Variants in MCTP2 observed in about 807,000 individuals in gnomAD.
MCTP2 encodes multiple C2 and transmembrane domain-containing protein 2.
Under a neutral mutation model 111.6 loss-of-function variants are expected in MCTP2, and 132 were observed. The ratio of observed to expected loss-of-function variants is 1.18; its 90% confidence interval spans 1.03 to 1.37. The LOEUF (loss-of-function observed/expected upper bound fraction) is 1.37. MCTP2 is among the 40% of genes most tolerant of loss of function. The pLI is 0.00. For missense variants in MCTP2, 1,183 were observed against 1,067.9 expected (o/e 1.11, Z -1.50); for synonymous variants, 395 against 387.7 (o/e 1.02, Z -0.22).
intron 1 of MCTP2, 63 bp from the exon 2 acceptor site, chr15:94,298,138 C>T: frequency 1.4e-6 from 1 of 699,528 alleles, no homozygotes; most frequent in Non-Finnish European, 2.3e-6. Context: ...TTACTGCCAC[C>T]AAGAAGGTTC....
At chr15:94,357,571 T>TTTTTG (rs2078699979) in intron 9 of MCTP2, among the ~76,000 whole-genome samples, 2 of 151,806 alleles carry the variant, frequency 1.3e-5, no homozygotes, top group Admixed American at 1.3e-4. Flanking sequence ...TTTTGTTTTT[T>TTTTTG]TCCCAACCTG....
chr15:94,311,208 A>G (rs2076120893), intron 2 of MCTP2, among the ~76,000 whole-genome samples: 1 of 151,646 alleles, frequency 6.6e-6, no homozygotes, highest in Non-Finnish European at 1.5e-5. Flanking sequence ...TATTTTTATT[A>G]GAGATGGGGG....
rs1213450899 is a variant in MCTP2 at position 94,327,435 on chromosome 15, C to T, written c.637+11798C>T. 2.6e-5 allele frequency among the ~76,000 whole-genome samples: 4 copies of T among 152,162 alleles called. No individual in the cohort carries two copies. In the East Asian group the frequency reaches 5.8e-4, roughly 22 times the overall value. On this transcript the variant is annotated intron_variant, in intron 4 of 22. Coordinates refer to ENST00000357742, the MANE Select transcript of MCTP2 (RefSeq NM_001385001.1). The stretch of plus-strand genomic sequence containing the variant: ...CTCTTTGATTCCTATTGATGTTGTT[C>T]TCTTGTTCGGCATCAGCTCCACACC...
At chr15:94,464,239 AATATATATATATATATATTATATATAT>A (rs1228567188) in intron 20 of MCTP2, among the ~76,000 whole-genome samples, 1 of 89,364 alleles carries the variant, frequency 1.1e-5, no homozygotes, top group African/African-American at 4.7e-5. Flanking sequence ...TTATATATAT[AATATATATATATATATATTATATATAT>A]ATATATATAT....
intron 1 of MCTP2, among the ~76,000 whole-genome samples, chr15:94,243,944 T>C (rs897781603): frequency 1.5e-4 from 21 of 144,516 alleles, no homozygotes; most frequent in South Asian, 2.1e-4. Context: ...TACACATACA[T>C]ATATGTGTAT....
intron 17 of MCTP2, among the ~76,000 whole-genome samples, chr15:94,421,164 G>A (rs984037713): frequency 6.7e-6 from 1 of 150,148 alleles, no homozygotes; most frequent in Admixed American, 6.6e-5. Context: ...TTAGACATAC[G>A]CTGTTGCATA....
intron 21 of MCTP2, among the ~76,000 whole-genome samples, chr15:94,473,094 T>TAC (rs1464296447): frequency 6.6e-6 from 1 of 152,140 alleles, no homozygotes; most frequent in Non-Finnish European, 1.5e-5. Flanking sequence ...TAACTATATA[T>TAC]ACTAGATTTC....
intron 18 of MCTP2, 70 bp downstream of exon 18, chr15:94,440,368 C>G (rs2083711660): frequency 6.3e-7 from 1 of 1,585,670 alleles, no homozygotes; most frequent in Non-Finnish European, 8.6e-7. Context: ...ACCACCACCA[C>G]CAAATCATGG....
intron 14 of MCTP2, among the ~76,000 whole-genome samples, chr15:94,392,148 G>T (rs1177145019): frequency 2.0e-5 from 3 of 152,012 alleles, no homozygotes; most frequent in Non-Finnish European, 2.9e-5. Flanking sequence ...GAGGTGGGCG[G>T]ATCACGAGGT....
intron 20 of MCTP2, among the ~76,000 whole-genome samples, chr15:94,466,721 T>C (rs1036521610): frequency 2.6e-5 from 4 of 152,142 alleles, no homozygotes; most frequent in African/African-American, 9.7e-5. Context: ...AGAGTGAAAA[T>C]TGACATTGGA....
At chr15:94,436,877 A>AT (rs1182892133) in intron 17 of MCTP2, among the ~76,000 whole-genome samples, 14 of 151,860 alleles carry the variant, frequency 9.2e-5, no homozygotes, top group Admixed American at 9.2e-4. Context: ...CCCCCAAAAA[A>AT]CGTAACAATA....
chr15:94,365,173 TA>T (rs2079120587), intron 10 of MCTP2, among the ~76,000 whole-genome samples: 1 of 152,242 alleles, frequency 6.6e-6, no homozygotes, highest in Non-Finnish European at 1.5e-5. Flanking sequence ...ATCATGATGC[TA>T]ATATATCAGT....
intron 1 of MCTP2, among the ~76,000 whole-genome samples, chr15:94,250,594 A>G (rs2072344786): frequency 6.6e-6 from 1 of 152,212 alleles, no homozygotes; most frequent in South Asian, 2.1e-4. Context: ...ACCTTACTAC[A>G]GGGACTGAGA....
chr15:94,419,031 A>G (rs2082501626), intron 17 of MCTP2, among the ~76,000 whole-genome samples: 1 of 152,160 alleles, frequency 6.6e-6, no homozygotes, highest in Non-Finnish European at 1.5e-5. Flanking sequence ...AATGTTCAGT[A>G]TAGTTATACT....
chr15:94,315,658 G>T lies in MCTP2; in HGVS notation c.637+21G>T, dbSNP rs756685766. On this transcript the variant is annotated intron_variant, in intron 4 of 22. Coordinates refer to ENST00000357742, the MANE Select transcript of MCTP2 (RefSeq NM_001385001.1). ...CTGTGGTAAGACCTGGGTCTGTTATGGTGGGTGTAGCCTGGAAACTTCTTT... is the reference window on the plus strand; with the variant it reads ...CTGTGGTAAGACCTGGGTCTGTTATTGTGGGTGTAGCCTGGAAACTTCTTT... 1.4e-5 allele frequency: 22 copies of T among 1,568,280 alleles called. No individual in the cohort carries two copies. In the Admixed American group the frequency reaches 2.2e-4, roughly 15 times the overall value.
chr15:94,370,039 A>G, intron 11 of MCTP2, 48 bp from the exon 12 acceptor site: 1 of 1,262,354 alleles, frequency 7.9e-7, no homozygotes, highest in Non-Finnish European at 1.1e-6. Context: ...GACATTAAGT[A>G]GTATATTAAA....
intron 20 of MCTP2, among the ~76,000 whole-genome samples, chr15:94,462,378 G>T (rs1238754046): frequency 6.6e-6 from 1 of 152,214 alleles, no homozygotes; most frequent in Admixed American, 6.5e-5. Flanking sequence ...ACCTTCTGAG[G>T]ATTTAGGGAG....
chr15:94,241,468 A>G (rs1242741600), intron 1 of MCTP2, among the ~76,000 whole-genome samples: 1 of 152,114 alleles, frequency 6.6e-6, no homozygotes, highest in Admixed American at 6.6e-5. Flanking sequence ...AATATCCTAA[A>G]TCTGGCCAGT....
intron 4 of MCTP2, among the ~76,000 whole-genome samples, chr15:94,337,438 T>TCCCA (rs1168603563): frequency 6.6e-6 from 1 of 152,124 alleles, no homozygotes; most frequent in Non-Finnish European, 1.5e-5. Flanking sequence ...GAAGGCCTGA[T>TCCCA]CCCAGAGTGG....
Sources: gnomAD v4.1 joint callset for allele counts (sites outside exome capture counted in the v4.1 genomes callset) on GRCh38, gnomAD v4.1.1 for gene constraint, MANE v1.5 for transcripts, NCBI Gene and HGNC (gene_info 2026-07-23, HGNC 2026-07-21) for gene names.